ZCCHC4: variants seen among roughly 807,000 people sequenced by gnomAD.
ZCCHC4 encodes the protein zinc finger CCHC-type containing 4, also known as rRNA N(6)-adenosine-methyltransferase ZCCHC4.
A neutral mutation model predicts 67.7 loss-of-function variants in ZCCHC4; 54 were observed. The observed-to-expected ratio is 0.80, with a 90% CI of 0.64 to 1.00. ZCCHC4 has a LOEUF of 1.00. ZCCHC4 is among the 50% of genes least tolerant of loss of function. The probability of loss-of-function intolerance (pLI) is 0.00; values close to 1 mark genes in which losing one functional copy is unlikely to be tolerated. For synonymous variants in ZCCHC4, 198 were observed against 213.5 expected (o/e 0.93, Z 0.63); for missense variants, 609 against 617.0 (o/e 0.99, Z 0.14).
At position 25,359,411 on chromosome 4, in the gene ZCCHC4, ACCTGGAGGCTC is replaced by A. The variant is rs1720635634; in HGVS notation, c.1012-2447_1012-2437del. On this transcript the variant is annotated intron_variant, in intron 8 of 12. Coordinates refer to ENST00000302874, the MANE Select transcript of ZCCHC4 (RefSeq NM_024936.3). The surrounding 1 kb of genome is among the most constrained non-coding windows in gnomAD (Gnocchi z 4.9). Reference sequence around the variant, plus strand: ...GGGGACCTCCAGGCACAGGCGGGGCACCTGGAGGCTCGGCTACAGAGCTTGGAAAAGGAATT... The same window carrying A: ...GGGGACCTCCAGGCACAGGCGGGGCAGGCTACAGAGCTTGGAAAAGGAATT... Among the ~76,000 whole-genome samples, 1 of 152,132 alleles carries A rather than the reference ACCTGGAGGCTC, an allele frequency of 6.6e-6. No individual in the cohort carries two copies. Among genetic ancestry groups the A allele is most frequent in the Non-Finnish European group, 1.5e-5 (1 of 68,022 alleles).
rs755275673 is a variant in ZCCHC4, at chr4:25,312,878, G to A, written c.69G>A (p.Ser23=). The part of the protein sequence containing the change: ...AEGSAGCRGS[S]GMEVVLPLDP... ...GCAGCGCAGGGTGCCGGGGAAGCTC[G>A]GGAATGGAGGTGGTGCTTCCTTTGG... is the stretch of plus-strand genomic sequence containing the variant. The change falls in exon 1 of 13, where the codon TCG becomes TCA. Residue 23 remains serine, a synonymous_variant. Transcript: ENST00000302874. The A allele has an allele frequency of 1.1e-5, 17 of 1,612,900 alleles. No homozygotes were observed. The highest frequency in any genetic ancestry group is 1.3e-5 in the African/African-American group (1 of 74,886).
At chr4:25,341,467 C>T (rs940683881) in intron 5 of ZCCHC4, among the ~76,000 whole-genome samples, 10 of 152,128 alleles carry the variant, frequency 6.6e-5, no homozygotes, top group African/African-American at 1.9e-4. Context: ...CTTTCTTGCT[C>T]CTTCTCTTGC....
At chr4:25,350,365 A>C (rs1467449576) in intron 7 of ZCCHC4, among the ~76,000 whole-genome samples, 1 of 146,026 alleles carries the variant, frequency 6.8e-6, no homozygotes, top group Non-Finnish European at 1.5e-5. Context: ...GGTTCAAGCG[A>C]TTCTTCTGCC....
In ZCCHC4 at chr4:25,364,595, GA is replaced by G. The variant is rs1720872001; in HGVS notation, c.1261+96del. ...TAGATTTTTCATTGGATTTATAAAC[GA>G]AAAAATAATCAGTGTAGAGACTTGT... On this transcript the variant is annotated intron_variant, in intron 11 of 12. Transcript: ENST00000302874. The G allele has an allele frequency of 4.3e-6, 5 of 1,154,882 alleles. No homozygotes were observed. The East Asian group carries it at 7.6e-5, about 18-fold the overall frequency. 71.5% of individuals were successfully genotyped at this position (1,154,882 alleles called of 1,614,324 possible). A position where few individuals can be genotyped will look rare whatever the true frequency, so the allele number is the denominator to read the frequency against.
intron 3 of ZCCHC4, among the ~76,000 whole-genome samples, chr4:25,329,130 T>A (rs1719043895): frequency 6.6e-6 from 1 of 152,018 alleles, no homozygotes; most frequent in South Asian, 2.1e-4. Context: ...AAGGCTGCAG[T>A]GAGCTGTGAT....
At chr4:25,352,011 A>G (rs981319877) in intron 8 of ZCCHC4, 16 of 1,019,764 alleles carry the variant, frequency 1.6e-5, no homozygotes, top group African/African-American at 5.1e-5. Flanking sequence ...CATCATCACT[A>G]GGAGATTTTG....
At chr4:25,314,219 G>A (rs1718126376) in intron 2 of ZCCHC4, 55 bp downstream of exon 2, 1 of 1,176,966 alleles carries the variant, frequency 8.5e-7, no homozygotes, top group Non-Finnish European at 1.2e-6. Context: ...TGACAATTTT[G>A]TTGAGAACGT....
chr4:25,368,368 A>G (rs1721024826), intron 12 of ZCCHC4, among the ~76,000 whole-genome samples: 1 of 152,166 alleles, frequency 6.6e-6, no homozygotes, highest in Non-Finnish European at 1.5e-5. Flanking sequence ...GTCGCCTGTA[A>G]CTTAGTGTGG....
chr4:25,353,035 T>G (rs914902074), intron 8 of ZCCHC4, among the ~76,000 whole-genome samples: 4 of 152,234 alleles, frequency 2.6e-5, no homozygotes, highest in African/African-American at 9.6e-5. Context: ...AAGACAATTT[T>G]GAATTCTGCT....
rs376461487 is a variant in ZCCHC4 at position 25,328,661 on chromosome 4, A to G, written c.330-4522A>G. Among the ~76,000 whole-genome samples, 42 of 152,150 alleles carry G rather than the reference A, an allele frequency of 2.8e-4. 1 individual carries two copies. In the South Asian group the frequency reaches 8.5e-3, roughly 31 times the overall value. On this transcript the variant is annotated intron_variant, in intron 3 of 12. Transcript: ENST00000302874. Reference sequence around the variant, plus strand: ...CAGTGGTGCAATCATGGCTCACTGCAGCCTTGACCTCCCAGGCTCGAGCAG... The same window carrying G: ...CAGTGGTGCAATCATGGCTCACTGCGGCCTTGACCTCCCAGGCTCGAGCAG...
chr4:25,361,824 A>G (rs1237284509), intron 8 of ZCCHC4, 35 bp from the exon 9 acceptor site: 1 of 1,565,740 alleles, frequency 6.4e-7, no homozygotes, highest in East Asian at 2.3e-5. Flanking sequence ...TAATTTGAGT[A>G]AATTTTCTTT....
chr4:25,360,153 T>C (rs1248216238), intron 8 of ZCCHC4, among the ~76,000 whole-genome samples: 2 of 152,236 alleles, frequency 1.3e-5, no homozygotes, highest in Non-Finnish European at 2.9e-5. Context: ...GCAGGGCTTT[T>C]TGCATAGCCC....
chr4:25,369,162 TA>T lies in ZCCHC4; in HGVS notation c.*1del. On this transcript the variant is annotated frameshift_variant and stop_lost, in exon 13 of 13. Coordinates refer to ENST00000302874, the MANE Select transcript of ZCCHC4 (RefSeq NM_024936.3). LOFTEE classifies it high-confidence loss of function. ...AAGAGCCCATCAATATCTTGGCTCT[TA>T]AATGTCCAGTGACTGGAGAATAAGA... ...RERAHQYLGS[*>X] The T allele has an allele frequency of 6.2e-7, 1 of 1,610,472 alleles. No individual in the cohort carries two copies. Among genetic ancestry groups the T allele is most frequent in the Non-Finnish European group, 8.5e-7 (1 of 1,179,286 alleles).
chr4:25,337,415 C>A (rs1719511945), intron 5 of ZCCHC4, among the ~76,000 whole-genome samples: 1 of 152,174 alleles, frequency 6.6e-6, no homozygotes, highest in Non-Finnish European at 1.5e-5. Context: ...GTGGCAGCAG[C>A]TTTAAGTTTA....
intron 5 of ZCCHC4, among the ~76,000 whole-genome samples, chr4:25,336,735 C>T (rs1719481017): frequency 6.6e-6 from 1 of 152,208 alleles, no homozygotes; most frequent in Admixed American, 6.5e-5. Flanking sequence ...GATCTACTTC[C>T]CTCGGCCTCC....
At chr4:25,366,083 C>A in intron 12 of ZCCHC4, 1 of 973,304 alleles carries the variant, frequency 1.0e-6, no homozygotes, top group East Asian at 1.1e-4. Flanking sequence ...TTAGAAATAT[C>A]TGATAGTTTA....
At chr4:25,367,778 C>T (rs539896231) in intron 12 of ZCCHC4, among the ~76,000 whole-genome samples, 1 of 152,206 alleles carries the variant, frequency 6.6e-6, no homozygotes, top group African/African-American at 2.4e-5. Context: ...CAAAATTCTG[C>T]ATAATAGTCA....
At position 25,326,499 on chromosome 4, in the gene ZCCHC4, A is replaced by C. The variant is rs373501819; in HGVS notation, c.330-6684A>C. 2.8e-4 allele frequency among the ~76,000 whole-genome samples: 42 copies of C among 152,274 alleles called. 1 individual carries two copies. In the South Asian group the frequency reaches 8.5e-3, roughly 31 times the overall value. On this transcript the variant is annotated intron_variant, in intron 3 of 12. Transcript: ENST00000302874. ...TACTGCAGCACCTTTCTCAAAAGTC[A>C]GTTAACTTTATATGTGTTTTTTTTT...
At chr4:25,361,297 G>A (rs1720725005) in intron 8 of ZCCHC4, among the ~76,000 whole-genome samples, 1 of 152,234 alleles carries the variant, frequency 6.6e-6, no homozygotes, top group Non-Finnish European at 1.5e-5. Flanking sequence ...TGAATTCAGG[G>A]CTCCACCCTA....
Sources: allele counts gnomAD v4.1 joint callset (sites outside exome capture counted in the v4.1 genomes callset), GRCh38; gene constraint gnomAD v4.1.1; non-coding constraint Gnocchi (gnomAD v3.1); transcripts MANE v1.5; gene names NCBI Gene and HGNC (gene_info 2026-07-23, HGNC 2026-07-21).